The following RNASEH2B variants were observed in gnomAD, a reference collection of about 807,000 sequenced individuals.
RNASEH2B encodes the protein Aicardi-Goutieres syndrome 2 protein.
RNASEH2B carries 36 observed loss-of-function variants against 45.0 expected under a neutral mutation model. The ratio of observed to expected loss-of-function variants is 0.80; its 90% CI spans 0.61 to 1.06. The LOEUF is 1.06. RNASEH2B is among the 50% of genes least tolerant of loss of function. The pLI, the probability that RNASEH2B is intolerant of heterozygous loss-of-function variation, is 0.00. For synonymous variants in RNASEH2B, 119 were observed against 125.7 expected (o/e 0.95, Z 0.35); for missense variants, 361 against 360.3 (o/e 1.00, Z -0.02).
chr13:50,919,237 G>A (rs1201021995), intron 1 of RNASEH2B, among the ~76,000 whole-genome samples: 1 of 152,188 alleles, frequency 6.6e-6, no homozygotes, highest in Non-Finnish European at 1.5e-5. Flanking sequence ...CATACCAACT[G>A]TACAACAACC....
chr13:50,927,451 T>G lies in RNASEH2B; in HGVS notation c.109T>G (p.Phe37Val). 4 of 1,603,136 alleles carry G rather than the reference T, an allele frequency of 2.5e-6. No homozygotes were observed. The highest frequency in any genetic ancestry group is 3.4e-6 in the Non-Finnish European group (4 of 1,170,172). ...ASKKMKNGLM[F>V]VKLVNPCSGE... ...AAAGAAGATGAAAAATGGGCTAATG[T>G]TTGTAAAACTGGTTAACCCCTGTTC... The change falls in exon 2 of 11, where the codon TTT (phenylalanine) becomes GTT (valine). Residue 37 changes from phenylalanine to valine, a missense_variant. Physicochemically the swap from Phe to Val is conservative, Grantham distance 50. Transcript: ENST00000336617.
chr13:50,918,415 G>T (rs1879869529), intron 1 of RNASEH2B, among the ~76,000 whole-genome samples: 1 of 152,190 alleles, frequency 6.6e-6, no homozygotes, highest in African/African-American at 2.4e-5. Flanking sequence ...GGGATTACAG[G>T]CGTGAGCCAC....
Position 50,934,856 on chromosome 13 carries a change from G to A in RNASEH2B, c.322-29G>A, listed in dbSNP as rs373276336. ...TCTGAATGTCTTTGTTGAATGAAAT[G>A]CTTGCTTTCCAACTAACTGTTTTTT... On this transcript the variant is annotated intron_variant, in intron 4 of 10. Coordinates refer to ENST00000336617, the MANE Select transcript of RNASEH2B (RefSeq NM_024570.4). The A allele has an allele frequency of 9.2e-6, 13 of 1,420,664 alleles. No homozygotes were observed. In the African/African-American group the frequency reaches 1.8e-4, roughly 20 times the overall value. The allele number at this position is 1,420,664 out of a possible 1,614,324, so 88.0% of individuals were successfully genotyped here.
At chr13:50,960,733 G>A (rs1374549404), downstream of RNASEH2B, among the ~76,000 whole-genome samples, 1 of 152,102 alleles carries the variant, frequency 6.6e-6, no homozygotes, top group East Asian at 1.9e-4. Flanking sequence ...CTTTTATTAA[G>A]GAATTTTGCA....
At chr13:50,943,040 G>T (rs920376096) in intron 5 of RNASEH2B, 1 of 335,312 alleles carries the variant, frequency 3.0e-6, no homozygotes, top group Non-Finnish European at 5.5e-6. Context: ...TTTCACATTA[G>T]TTTGCTGAGG....
At chr13:50,923,857 A>G (rs1056473527) in intron 1 of RNASEH2B, among the ~76,000 whole-genome samples, 1 of 152,228 alleles carries the variant, frequency 6.6e-6, no homozygotes, top group African/African-American at 2.4e-5. Context: ...ACAGGCTTAT[A>G]ATATGTAAAG....
intron 2 of RNASEH2B, chr13:50,928,534 T>C (rs1951632069): frequency 6.6e-6 from 1 of 152,240 alleles, no homozygotes; most frequent in African/African-American, 2.4e-5. Context: ...AGCCCTCTTT[T>C]AAAATTTCTG....
chr13:50,918,784 C>A (rs966070341), intron 1 of RNASEH2B, among the ~76,000 whole-genome samples: 8 of 152,110 alleles, frequency 5.3e-5, no homozygotes, highest in Non-Finnish European at 1.2e-4. Flanking sequence ...CAGGAGGGTG[C>A]CGGGGCAGTG....
At chr13:50,919,336 A>G (rs924684074) in intron 1 of RNASEH2B, among the ~76,000 whole-genome samples, 5 of 152,232 alleles carry the variant, frequency 3.3e-5, no homozygotes, top group Non-Finnish European at 7.3e-5. Flanking sequence ...CGGAATGGTT[A>G]AGTCTGTGCA....
intron 9 of RNASEH2B, among the ~76,000 whole-genome samples, chr13:50,961,978 A>G (rs1952116541): frequency 6.6e-6 from 1 of 152,154 alleles, no homozygotes; most frequent in African/African-American, 2.4e-5. Flanking sequence ...TAATAGAGGA[A>G]TGTCTTTTAA....
chr13:50,919,394 A>T (rs1324291418), intron 1 of RNASEH2B, among the ~76,000 whole-genome samples: 2 of 152,196 alleles, frequency 1.3e-5, no homozygotes, highest in Non-Finnish European at 2.9e-5. Context: ...AATGTCACAG[A>T]TATCTGGGGG....
chr13:50,934,639 T>C lies in RNASEH2B; in HGVS notation c.322-246T>C. 2 of 521,206 alleles carry C rather than the reference T, an allele frequency of 3.8e-6. 1 individual carries two copies. Among genetic ancestry groups the C allele is most frequent in the Non-Finnish European group, 6.9e-6 (2 of 288,874 alleles). 32.3% of individuals were successfully genotyped at this position (521,206 alleles called of 1,614,324 possible). On this transcript the variant is annotated intron_variant, in intron 4 of 10. Transcript: ENST00000336617. ...TTGTAGATTGATTTTCTTCCCCATT[T>C]CATTTGGGGACTGTACACCCAAGGT... is the stretch of plus-strand genomic sequence containing the variant.
chr13:50,960,679 T>C (rs74515059), downstream of RNASEH2B, among the ~76,000 whole-genome samples: 16 of 152,316 alleles, frequency 1.1e-4, no homozygotes, highest in African/African-American at 3.4e-4. Flanking sequence ...CATCCTATCT[T>C]TCTTAACCTT....
chr13:50,953,482 A>G (rs550929995), intron 9 of RNASEH2B: 2 of 210,978 alleles, frequency 9.5e-6, no homozygotes, highest in East Asian at 2.4e-4. Context: ...ATAAGTGGAC[A>G]TTAAACTGGC....
At chr13:50,916,766 A>AT (rs1431953205) in intron 1 of RNASEH2B, among the ~76,000 whole-genome samples, 10 of 152,092 alleles carry the variant, frequency 6.6e-5, no homozygotes, top group Non-Finnish European at 1.2e-4. Flanking sequence ...GGAAATTGCC[A>AT]TTTTTTAATG....
At chr13:50,968,131 C>G (rs1952183424) in intron 9 of RNASEH2B, among the ~76,000 whole-genome samples, 1 of 152,084 alleles carries the variant, frequency 6.6e-6, no homozygotes, top group Admixed American at 6.5e-5. Flanking sequence ...TTAAATTGAC[C>G]TTAGCTGGGC....
intron 9 of RNASEH2B, among the ~76,000 whole-genome samples, chr13:50,963,812 C>T (rs1315924968): frequency 6.6e-6 from 1 of 152,158 alleles, no homozygotes; most frequent in African/African-American, 2.4e-5. Context: ...GTACTTTCAC[C>T]TATCTTTCCA....
chr13:50,928,438 C>T (rs375223290), intron 2 of RNASEH2B: 10 of 152,142 alleles, frequency 6.6e-5, no homozygotes, highest in African/African-American at 9.7e-5. Context: ...ACTAAGTTGA[C>T]GTGAGAAATA....
intron 9 of RNASEH2B, chr13:50,952,594 G>A (rs1951991151): frequency 6.6e-6 from 1 of 152,130 alleles, no homozygotes; most frequent in Admixed American, 6.6e-5. Flanking sequence ...TAGAGATGGG[G>A]TTTTGCCATG....
Sources: gnomAD v4.1 joint callset for allele counts (sites outside exome capture counted in the v4.1 genomes callset) on GRCh38, gnomAD v4.1.1 for gene constraint, MANE v1.5 for transcripts, NCBI Gene and HGNC (gene_info 2026-07-23, HGNC 2026-07-21) for gene names.